The following N4BP2L2 variants were observed in gnomAD, a reference collection of about 807,000 sequenced individuals.
The protein encoded by N4BP2L2 is NEDD4 binding protein 2 like 2, also known as NEDD4-binding protein 2-like 2.
Under a neutral mutation model 56.2 loss-of-function variants are expected in N4BP2L2, and 50 were observed. That is an observed-to-expected ratio of 0.89 (90% CI 0.71 to 1.13). The LOEUF is 1.13. N4BP2L2 is among the 50% of genes most tolerant of loss of function. The pLI is 0.00. For missense variants in N4BP2L2, 689 were observed against 693.8 expected, an observed-to-expected ratio of 0.99 and a Z score of 0.08; for synonymous variants, 203 against 223.6, an observed-to-expected ratio of 0.91 and a Z score of 0.82.
intron 3 of N4BP2L2, chr13:32,522,641 T>C (rs1373001940): frequency 1.9e-5 from 3 of 154,976 alleles, no homozygotes; most frequent in African/African-American, 7.2e-5. Context: ...AAAATTATTT[T>C]GACACGGAAG....
rs2055220063 is a variant in N4BP2L2, at chr13:32,532,650, G to A, written c.1259+3119C>T. 4.7e-5 allele frequency among the ~76,000 whole-genome samples: 7 copies of A among 148,468 alleles called. No homozygotes were observed. The South Asian group carries it at 1.3e-3, about 27-fold the overall frequency. ...CTGTTGCCCAGGCTGGAGTGCAGTG[G>A]TGTGATCTCGGCTCACTGCAACCTC... is the stretch of plus-strand genomic sequence containing the variant. On this transcript the variant is annotated intron_variant, in intron 2 of 5. Coordinates refer to ENST00000267068, the Ensembl canonical transcript of N4BP2L2.
chr13:32,438,534 G>C, intron 8 of N4BP2L2: 3 of 701,150 alleles, frequency 4.3e-6, no homozygotes, highest in Non-Finnish European at 4.6e-6. Flanking sequence ...AGGAGGTGGA[G>C]GTTGTGGTGA....
intron 3 of N4BP2L2, among the ~76,000 whole-genome samples, chr13:32,525,787 G>T (rs1346993407): frequency 6.6e-6 from 1 of 152,138 alleles, no homozygotes; most frequent in African/African-American, 2.4e-5. Context: ...TGGCAGCTTT[G>T]AGAGAAGTTC....
intron 6 of N4BP2L2, among the ~76,000 whole-genome samples, chr13:32,444,986 C>T (rs904063158): frequency 4.6e-5 from 7 of 152,128 alleles, no homozygotes; most frequent in East Asian, 1.9e-4. Context: ...TGGTGGCTCA[C>T]GCCTGTAATC....
At chr13:32,529,872 C>T (rs772865181) in intron 2 of N4BP2L2, among the ~76,000 whole-genome samples, 3 of 151,818 alleles carry the variant, frequency 2.0e-5, no homozygotes, top group African/African-American at 4.8e-5. Flanking sequence ...ACTACAGGCA[C>T]GTGCCATCAC....
intron 6 of N4BP2L2, chr13:32,477,314 C>T (rs767322695): frequency 9.7e-5 from 20 of 205,614 alleles, no homozygotes; most frequent in East Asian, 2.5e-4. Flanking sequence ...TTCATCAGCA[C>T]GGCCAAGTAC....
At chr13:32,449,059 C>T (rs1357458482) in intron 6 of N4BP2L2, among the ~76,000 whole-genome samples, 1 of 152,198 alleles carries the variant, frequency 6.6e-6, no homozygotes, top group South Asian at 2.1e-4. Flanking sequence ...CTCTACTCAA[C>T]TGATAGAGCA....
At position 32,501,083 on chromosome 13, in the gene N4BP2L2, G is replaced by GT. The variant is rs1356347703; in HGVS notation, c.365+16773dup. Among the ~76,000 whole-genome samples the GT allele has an allele frequency of 8.5e-5, 13 of 152,230 alleles. No individual in the cohort carries two copies. In the East Asian group the frequency reaches 2.5e-3, roughly 29 times the overall value. Reference sequence around the variant, plus strand: ...AGGTTTCGCCATTTTACCCAGGCTGGTCTTGAACTCCCGACCTCAAGTGAT... The same window carrying GT: ...AGGTTTCGCCATTTTACCCAGGCTGGTTCTTGAACTCCCGACCTCAAGTGAT... On this transcript the variant is annotated intron_variant, in intron 6 of 9. Transcript: ENST00000357505.
chr13:32,466,448 T>C (rs2081250465), intron 6 of N4BP2L2, among the ~76,000 whole-genome samples: 1 of 151,970 alleles, frequency 6.6e-6, no homozygotes, highest in Admixed American at 6.6e-5. Flanking sequence ...GCATCTGTAA[T>C]CTCAGCTACT....
chr13:32,522,049 A>G (rs748926059), intron 4 of N4BP2L2, 133 bp downstream of exon 4: 6 of 633,902 alleles, frequency 9.5e-6, no homozygotes, highest in Non-Finnish European at 1.6e-5. Context: ...TTAAAAACTA[A>G]GCAAACCAAC....
At chr13:32,489,911 A>G (rs904060626) in intron 6 of N4BP2L2, among the ~76,000 whole-genome samples, 1 of 152,234 alleles carries the variant, frequency 6.6e-6, no homozygotes, top group Admixed American at 6.5e-5. Flanking sequence ...TAAACACTAA[A>G]AAAGATCAGG....
In N4BP2L2 at chr13:32,443,458, AT is replaced by A; in HGVS notation, c.1033del (p.Ile345SerfsTer62). On this transcript the variant is annotated frameshift_variant, in exon 7 of 10. Coordinates refer to the N4BP2L2 transcript ENST00000357505. LOFTEE classifies it high-confidence loss of function. ...GGTTGTGAAAAAAGCCCAGTGATTG[AT>A]TTTAGTTGTATACACTTGTTCCTCT... is the stretch of plus-strand genomic sequence containing the variant. 6.2e-7 allele frequency: 1 copy of A among 1,613,824 alleles called. No individual in the cohort carries two copies. The highest frequency in any genetic ancestry group is 8.5e-7 in the Non-Finnish European group (1 of 1,179,768).
chr13:32,503,318 G>T (rs901841858), intron 6 of N4BP2L2, among the ~76,000 whole-genome samples: 5 of 151,936 alleles, frequency 3.3e-5, no homozygotes, highest in African/African-American at 1.2e-4. Context: ...TAATTTCTGG[G>T]GGTATTCATT....
intron 6 of N4BP2L2, chr13:32,477,155 G>A (rs1239232664): frequency 3.5e-6 from 2 of 569,632 alleles, no homozygotes; most frequent in East Asian, 8.4e-5. Flanking sequence ...TACACCAGCT[G>A]AGCAGTCTGA....
At chr13:32,496,211 T>A (rs76582991) in intron 6 of N4BP2L2, among the ~76,000 whole-genome samples, 8,518 of 152,022 alleles carry the variant, frequency 0.056, 582 homozygotes, top group African/African-American at 0.16. Flanking sequence ...TTTTATTTTT[T>A]TTTTTTTACC....
chr13:32,479,623 CA>C (rs796450349), intron 6 of N4BP2L2, among the ~76,000 whole-genome samples: 8,562 of 124,412 alleles, frequency 0.069, 799 homozygotes, highest in African/African-American at 0.22. Flanking sequence ...TCTTCAGAAG[CA>C]AAAAAAAAAA....
chr13:32,519,119 G>T (rs1462975505), intron 5 of N4BP2L2, among the ~76,000 whole-genome samples: 1 of 152,008 alleles, frequency 6.6e-6, no homozygotes, highest in Non-Finnish European at 1.5e-5. Context: ...AAGAAAAAAT[G>T]CGATGAAGTT....
At chr13:32,490,829 C>A (rs1463132820) in intron 6 of N4BP2L2, among the ~76,000 whole-genome samples, 1 of 152,052 alleles carries the variant, frequency 6.6e-6, no homozygotes, top group African/African-American at 2.4e-5. Flanking sequence ...AGGCAGAGCT[C>A]AGGTAGTAAT....
At chr13:32,461,083 C>CTATAGAAACTATAGAAAATGAAA (rs1431761517) in intron 6 of N4BP2L2, among the ~76,000 whole-genome samples, 2 of 151,950 alleles carry the variant, frequency 1.3e-5, no homozygotes, top group Non-Finnish European at 2.9e-5. Flanking sequence ...AAACTAGACC[C>CTATAGAAACTATAGAAAATGAAA]CTATAGAAAA....
Sources: allele counts gnomAD v4.1 joint callset (sites outside exome capture counted in the v4.1 genomes callset), GRCh38; gene constraint gnomAD v4.1.1; transcripts MANE v1.5; gene names NCBI Gene and HGNC (gene_info 2026-07-23, HGNC 2026-07-21).